The following CDH3 variants were observed in gnomAD, a reference collection of about 807,000 sequenced individuals.
The protein encoded by CDH3 is cadherin 3.
Under a neutral mutation model 82.0 loss-of-function variants are expected in CDH3, and 54 were observed. The ratio of observed to expected loss-of-function variants is 0.66; its 90% CI spans 0.53 to 0.83. The LOEUF (loss-of-function observed/expected upper bound fraction) is 0.83. CDH3 is among the 40% of genes least tolerant of loss of function. The pLI is 0.00. For missense variants in CDH3, 1,054 were observed against 1,084.6 expected (o/e 0.97, Z 0.40); for synonymous variants, 446 against 437.9 (o/e 1.02, Z -0.23).
rs1961161757 is a variant in CDH3, at chr16:68,679,887, A to C, written c.780A>C (p.Gln260His). 1 of 1,613,942 alleles carries C rather than the reference A, an allele frequency of 6.2e-7. No individual in the cohort carries two copies. Among genetic ancestry groups the C allele is most frequent in the South Asian group, 1.1e-5 (1 of 91,080 alleles). ...NGVVAYSIHSQEPKDPHDLMF... is the reference protein window; with the variant it reads ...NGVVAYSIHSHEPKDPHDLMF... ...TGGTTGCTTACTCCATCCATAGCCA[A>C]GAACCAAAGGACCCACACGACCTCA... The change falls in exon 7 of 16, where the codon CAA (glutamine) becomes CAC (histidine). Residue 260 changes from glutamine to histidine, a missense_variant. By Grantham distance (24) the Gln-to-His change is conservative. Transcript: ENST00000264012.
downstream of CDH3, among the ~76,000 whole-genome samples, chr16:68,703,647 A>C (rs552262096): frequency 6.6e-6 from 1 of 152,316 alleles, no homozygotes; most frequent in African/African-American, 2.4e-5. Context: ...CCGTTTTCTC[A>C]TCTAAAATGG....
intron 11 of CDH3, among the ~76,000 whole-genome samples, chr16:68,685,891 TGTG>T (rs910994117): frequency 1.3e-5 from 2 of 152,142 alleles, no homozygotes; most frequent in Admixed American, 1.3e-4. Flanking sequence ...GGGAGCCAGG[TGTG>T]GTGACTCAGG....
intron 9 of CDH3, among the ~76,000 whole-genome samples, chr16:68,683,282 T>C (rs1054092695): frequency 6.6e-6 from 1 of 152,176 alleles, no homozygotes; most frequent in African/African-American, 2.4e-5. Context: ...TTAAATGATG[T>C]GAAATGAAGT....
rs1443610619 is a variant in CDH3, at chr16:68,695,309, C to A, written c.2057C>A (p.Pro686His). ...AGAAAGAAGCGGAAGATCAAGGAGCCCCTCCTACTCCCAGAAGATGACACC... is the reference window on the plus strand; with the variant it reads ...AGAAAGAAGCGGAAGATCAAGGAGCACCTCCTACTCCCAGAAGATGACACC... ...LVRKKRKIKE[P>H]LLLPEDDTRD... Residue 686 changes from proline (P) to histidine (H), a missense_variant, in exon 14 of 16, where the codon CCC becomes CAC. Pro to His is a moderately conservative substitution (Grantham distance 77). Coordinates refer to ENST00000264012, the MANE Select transcript of CDH3 (RefSeq NM_001793.6). The A allele has an allele frequency of 3.1e-6, 5 of 1,613,910 alleles. No homozygotes were observed. The East Asian group carries it at 8.9e-5, about 29-fold the overall frequency.
At chr16:68,682,508 G>A (rs928902731) in intron 9 of CDH3, 21 bp downstream of exon 9, 2 of 1,612,300 alleles carry the variant, frequency 1.2e-6, no homozygotes, top group Non-Finnish European at 1.7e-6. Flanking sequence ...TCGGGCCTCA[G>A]ACAATGGCTA....
chr16:68,663,523 C>G (rs1960654019), intron 2 of CDH3, among the ~76,000 whole-genome samples: 1 of 152,024 alleles, frequency 6.6e-6, no homozygotes, highest in African/African-American at 2.4e-5. Context: ...CGTGAGCCAC[C>G]ACGCCTGGCC....
intron 12 of CDH3, among the ~76,000 whole-genome samples, chr16:68,690,779 T>G (rs1049058274): frequency 6.8e-6 from 1 of 146,552 alleles, no homozygotes; most frequent in African/African-American, 2.5e-5. Context: ...TGGTGGCGGG[T>G]GCCTGTAATC....
At chr16:68,711,776 G>A (rs1962034068) in intron 1 of CDH3, among the ~76,000 whole-genome samples, 1 of 152,182 alleles carries the variant, frequency 6.6e-6, no homozygotes. Flanking sequence ...GCGAGGGCAT[G>A]GGCACTGACT....
Position 68,678,872 on chromosome 16 carries a change from C to G in CDH3, c.657C>G (p.Thr219=), listed in dbSNP as rs774363149. 2.5e-6 allele frequency: 4 copies of G among 1,614,036 alleles called. No individual in the cohort carries two copies. The highest frequency in any genetic ancestry group is 3.4e-6 in the Non-Finnish European group (4 of 1,180,008). The change falls in exon 6 of 16, where the codon ACC becomes ACG. Residue 219 remains threonine, a synonymous_variant. Transcript: ENST00000264012. ...NDHKPKFTQD[T]FRGSVLEGVL... is the part of the protein sequence containing the mutation. ...ACAAGCCCAAGTTTACCCAGGACAC[C>G]TTCCGAGGGAGTGTCTTAGAGGGAG... is the stretch of plus-strand genomic sequence containing the variant.
Position 68,682,328 on chromosome 16 carries a change from A to T in CDH3, c.1023A>T (p.Ala341=). 1 of 1,613,966 alleles carries T rather than the reference A, an allele frequency of 6.2e-7. No homozygotes were observed. Among genetic ancestry groups the T allele is most frequent in the East Asian group, 2.2e-5 (1 of 44,878 alleles). The change falls in exon 9 of 16, where the codon GCA becomes GCT. Residue 341 remains alanine, a synonymous_variant. Transcript: ENST00000264012. The part of the protein sequence containing the change: ...QKYEAHVPEN[A]VGHEVQRLTV... ...ACGAGGCCCATGTGCCTGAGAATGC[A>T]GTGGGCCATGAGGTGCAGAGGCTGA...
At chr16:68,663,288 G>A (rs528394376) in intron 2 of CDH3, among the ~76,000 whole-genome samples, 16 of 148,588 alleles carry the variant, frequency 1.1e-4, no homozygotes, top group African/African-American at 2.7e-4. Context: ...GCAGTGGCAC[G>A]ATCTCAGCTC....
chr16:68,700,641 A>G (rs1468772374), downstream of CDH3, among the ~76,000 whole-genome samples: 1 of 152,204 alleles, frequency 6.6e-6, no homozygotes, highest in Non-Finnish European at 1.5e-5. Flanking sequence ...CGGCCTCCCA[A>G]AGTGCAGAGT....
At chr16:68,687,980 C>T (rs928308533) in intron 12 of CDH3, among the ~76,000 whole-genome samples, 1 of 149,436 alleles carries the variant, frequency 6.7e-6, no homozygotes, top group Non-Finnish European at 1.5e-5. Flanking sequence ...ACTGAGGCCT[C>T]GAGGAATCGA....
At chr16:68,648,214 A>G (rs1212009792) in intron 2 of CDH3, among the ~76,000 whole-genome samples, 2 of 152,228 alleles carry the variant, frequency 1.3e-5, no homozygotes, top group African/African-American at 2.4e-5. Flanking sequence ...CACTAAGCCA[A>G]ACAGCTCATG....
At chr16:68,725,050 C>A (rs1271889698) in intron 2 of CDH3, among the ~76,000 whole-genome samples, 1 of 152,092 alleles carries the variant, frequency 6.6e-6, no homozygotes, top group Admixed American at 6.6e-5. Flanking sequence ...AGCAACAGGT[C>A]CCTGGGCCTC....
At chr16:68,703,365 TG>T (rs1961920039), downstream of CDH3, among the ~76,000 whole-genome samples, 1 of 152,142 alleles carries the variant, frequency 6.6e-6, no homozygotes, top group South Asian at 2.1e-4. Flanking sequence ...CGGGGACTGC[TG>T]GGGGGTGGCC....
chr16:68,724,724 T>A (rs1353633703), intron 2 of CDH3, among the ~76,000 whole-genome samples: 1 of 152,186 alleles, frequency 6.6e-6, no homozygotes, highest in Non-Finnish European at 1.5e-5. Flanking sequence ...ATAAATGGTG[T>A]TAGCCACAAA....
intron 9 of CDH3, among the ~76,000 whole-genome samples, 191 bp downstream of exon 9, chr16:68,682,678 T>G (rs1330007860): frequency 6.6e-6 from 1 of 152,178 alleles, no homozygotes; most frequent in African/African-American, 2.4e-5. Flanking sequence ...AGGAGCCCAC[T>G]TCATAAATAG....
Position 68,678,749 on chromosome 16 carries a change from G to A in CDH3, c.547-13G>A. The A allele has an allele frequency of 4.3e-6, 7 of 1,614,190 alleles. No individual in the cohort carries two copies. Among genetic ancestry groups the A allele is most frequent in the African/African-American group, 1.3e-5 (1 of 75,064 alleles). On this transcript the variant is annotated splice_polypyrimidine_tract_variant and intron_variant, in intron 5 of 15. Coordinates refer to ENST00000264012, the MANE Select transcript of CDH3 (RefSeq NM_001793.6). ...GTGGCACCGGGCTGACCCCAGAGCT[G>A]TGTACCCCACAGCTCTTTGGCCACG...
Sources: allele counts gnomAD v4.1 joint callset (sites outside exome capture counted in the v4.1 genomes callset), GRCh38; gene constraint gnomAD v4.1.1; transcripts MANE v1.5; gene names NCBI Gene and HGNC (gene_info 2026-07-23, HGNC 2026-07-21).